SIRPG: variants seen among roughly 807,000 people sequenced by gnomAD.
SIRPG encodes the protein signal regulatory protein gamma, also known as signal-regulatory protein gamma.
A neutral mutation model predicts 35.7 loss-of-function variants in SIRPG; 38 were observed. The observed-to-expected ratio is 1.06, with a 90% CI of 0.82 to 1.40. The LOEUF is 1.40. Ranked by LOEUF, SIRPG falls within the 40% of genes most tolerant of loss-of-function variation. The pLI, the probability that SIRPG is intolerant of heterozygous loss-of-function variation, is 0.00. For synonymous variants in SIRPG, 215 were observed against 190.4 expected (o/e 1.13, Z -1.06); for missense variants, 519 against 483.0 (o/e 1.07, Z -0.70).
chr20:1,685,127 T>C, the SIRPG span, among the ~76,000 whole-genome samples: 1 of 152,128 alleles, frequency 6.6e-6, no homozygotes, highest in African/African-American at 2.4e-5. Flanking sequence ...AGGCAGCCTG[T>C]CTGTGGGCTG....
At chr20:1,686,414 C>T in the SIRPG span, among the ~76,000 whole-genome samples, 1 of 152,276 alleles carries the variant, frequency 6.6e-6, no homozygotes, top group African/African-American at 2.4e-5. Flanking sequence ...TCCTGAAGAC[C>T]TCAGGAGCCT....
chr20:1,649,629 C>CTTGTTTTTTTTTTTT (rs2091925310), intron 1 of SIRPG, among the ~76,000 whole-genome samples: 1 of 75,764 alleles, frequency 1.3e-5, no homozygotes, highest in African/African-American at 5.7e-5. Flanking sequence ...CAGAGAGGTT[C>CTTGTTTTTTTTTTTT]TTTTTTTTTT....
chr20:1,668,199 T>TTTCTTTCTTTCTTTC, the SIRPG span, among the ~76,000 whole-genome samples: 40 of 67,444 alleles, frequency 5.9e-4, no homozygotes, highest in East Asian at 0.022. Context: ...TTTTCTTTTC[T>TTTCTTTCTTTCTTTC]TTTCTTTCTT....
chr20:1,638,915 C>T (rs544548701), intron 2 of SIRPG, among the ~76,000 whole-genome samples: 1 of 152,246 alleles, frequency 6.6e-6, no homozygotes, highest in Non-Finnish European at 1.5e-5. Flanking sequence ...ATAATGGCTT[C>T]CAGCTTCATC....
chr20:1,674,733 G>A, the SIRPG span, among the ~76,000 whole-genome samples: 4 of 152,308 alleles, frequency 2.6e-5, no homozygotes. Flanking sequence ...GGACTCAAGG[G>A]AAGGCAAGAC....
intron 2 of SIRPG, chr20:1,645,966 A>G (rs1366174294): frequency 6.6e-6 from 1 of 152,242 alleles, no homozygotes; most frequent in African/African-American, 2.4e-5. Context: ...TAGCACCTCA[A>G]TTTGGGGATG....
chr20:1,654,022 G>A (rs558271028), intron 1 of SIRPG, among the ~76,000 whole-genome samples: 10 of 152,202 alleles, frequency 6.6e-5, no homozygotes, highest in African/African-American at 1.9e-4. Context: ...AGCAGATCAC[G>A]AGGTTAGGCA....
At chr20:1,641,197 G>A (rs544483551) in intron 2 of SIRPG, among the ~76,000 whole-genome samples, 279 of 152,188 alleles carry the variant, frequency 1.8e-3, no homozygotes, top group Non-Finnish European at 2.8e-3. Context: ...CCAGCTCCTC[G>A]TTGTACCTCT....
chr20:1,679,692 T>C, the SIRPG span, among the ~76,000 whole-genome samples: 2 of 152,156 alleles, frequency 1.3e-5, no homozygotes, highest in African/African-American at 4.8e-5. Context: ...GTGTTCTTTA[T>C]AGACCCAATC....
chr20:1,677,980 T>C, the SIRPG span, among the ~76,000 whole-genome samples: 1 of 152,218 alleles, frequency 6.6e-6, no homozygotes, highest in Admixed American at 6.5e-5. Context: ...TATGTTCATT[T>C]GCTTGACTAT....
the SIRPG span, among the ~76,000 whole-genome samples, chr20:1,678,716 G>A: frequency 9.2e-5 from 14 of 152,240 alleles, no homozygotes; most frequent in African/African-American, 3.1e-4. Flanking sequence ...GAATCTACAA[G>A]CTTAAGGTGC....
intron 2 of SIRPG, among the ~76,000 whole-genome samples, chr20:1,643,329 C>T (rs1026346072): frequency 1.3e-5 from 2 of 152,040 alleles, no homozygotes; most frequent in African/African-American, 4.8e-5. Flanking sequence ...GGTCTTCAAA[C>T]TCTGATATCC....
chr20:1,631,137 G>A (rs536410668), intron 4 of SIRPG, among the ~76,000 whole-genome samples: 24 of 152,078 alleles, frequency 1.6e-4, no homozygotes, highest in Non-Finnish European at 2.9e-5. Flanking sequence ...CATTTTTAAC[G>A]CGAGCAGTTT....
chr20:1,631,287 ACTT>A (rs2091748124), intron 4 of SIRPG, among the ~76,000 whole-genome samples: 1 of 152,010 alleles, frequency 6.6e-6, no homozygotes, highest in African/African-American at 2.4e-5. Context: ...GCTCTCTGGG[ACTT>A]CTTCTCCCTT....
At chr20:1,638,334 T>C (rs2091821111) in intron 2 of SIRPG, 1 of 152,206 alleles carries the variant, frequency 6.6e-6, no homozygotes. Context: ...CAGCAGGTGC[T>C]TAATAAATGA....
At chr20:1,635,057 T>A (rs2091784705) in intron 4 of SIRPG, among the ~76,000 whole-genome samples, 1 of 151,520 alleles carries the variant, frequency 6.6e-6, no homozygotes, top group East Asian at 1.9e-4. Context: ...AAAAAAAAAA[T>A]TAAACATATA....
At chr20:1,658,435 G>A (rs1405506113), upstream of SIRPG, among the ~76,000 whole-genome samples, 7 of 152,308 alleles carry the variant, frequency 4.6e-5, no homozygotes, top group Non-Finnish European at 8.8e-5. Flanking sequence ...GGGTTATCAT[G>A]AGGGAAGATT....
intron 2 of SIRPG, among the ~76,000 whole-genome samples, chr20:1,645,126 G>C (rs994378029): frequency 6.6e-6 from 1 of 152,182 alleles, no homozygotes; most frequent in Admixed American, 6.5e-5. Context: ...GGCTGGATCT[G>C]AGCAGGGCTT....
At chr20:1,652,291 G>T (rs185607285) in intron 1 of SIRPG, among the ~76,000 whole-genome samples, 26 of 152,280 alleles carry the variant, frequency 1.7e-4, no homozygotes, top group African/African-American at 5.8e-4. Context: ...TTAACCACTG[G>T]TTGTCTCACA....
Sources: gnomAD v4.1 joint callset for allele counts (sites outside exome capture counted in the v4.1 genomes callset) on GRCh38, gnomAD v4.1.1 for gene constraint, MANE v1.5 for transcripts, NCBI Gene and HGNC (gene_info 2026-07-23, HGNC 2026-07-21) for gene names.